The following TP53BP2 variants were observed in gnomAD, a reference collection of about 807,000 sequenced individuals.
TP53BP2 encodes the protein apoptosis-stimulating of p53 protein 2.
In TP53BP2, 62 loss-of-function variants were observed where a neutral mutation model predicts 126.2. The observed-to-expected ratio is 0.49, with a 90% confidence interval of 0.40 to 0.61. The LOEUF (loss-of-function observed/expected upper bound fraction) is 0.61. TP53BP2 is among the 20% of genes least tolerant of loss of function. TP53BP2 has a pLI of 0.00. For missense variants in TP53BP2, 1,215 were observed against 1,402.8 expected (o/e 0.87, Z 2.14); for synonymous variants, 485 against 502.9 (o/e 0.96, Z 0.48).
At chr1:223,808,435 G>T (rs1303130211) in intron 4 of TP53BP2, among the ~76,000 whole-genome samples, 2 of 151,880 alleles carry the variant, frequency 1.3e-5, no homozygotes, top group African/African-American at 4.8e-5. Flanking sequence ...CAGCTACTCG[G>T]GAAGCTGAGG....
intron 16 of TP53BP2, among the ~76,000 whole-genome samples, chr1:223,785,474 A>C (rs542967017): frequency 6.6e-6 from 1 of 152,246 alleles, no homozygotes; most frequent in African/African-American, 2.4e-5. Context: ...CAAAGTTTTT[A>C]AAATGGCCAC....
At chr1:223,845,475 G>A (rs1320687112) in intron 1 of TP53BP2, among the ~76,000 whole-genome samples, 179 bp downstream of exon 1, 1 of 152,182 alleles carries the variant, frequency 6.6e-6, no homozygotes, top group African/African-American at 2.4e-5. Flanking sequence ...TGGGCGCAGA[G>A]CCCAGAGGAT....
intron 1 of TP53BP2, among the ~76,000 whole-genome samples, chr1:223,828,627 T>C (rs897877828): frequency 2.6e-5 from 4 of 152,180 alleles, no homozygotes; most frequent in Admixed American, 2.6e-4. Flanking sequence ...GTCCACTATA[T>C]TAGAATGGAA....
intron 17 of TP53BP2, among the ~76,000 whole-genome samples, chr1:223,782,478 T>A (rs1661806940): frequency 6.6e-6 from 1 of 152,244 alleles, no homozygotes; most frequent in South Asian, 2.1e-4. Context: ...TTTATATTTC[T>A]ACTTTCCTCT....
chr1:223,843,442 T>C (rs1323498806), intron 1 of TP53BP2, among the ~76,000 whole-genome samples: 2 of 152,228 alleles, frequency 1.3e-5, no homozygotes, highest in South Asian at 4.1e-4. Context: ...GTGCTGAGAT[T>C]ACAGGCATGA....
intron 15 of TP53BP2, among the ~76,000 whole-genome samples, chr1:223,791,154 C>T (rs140259383): frequency 8.5e-5 from 13 of 152,158 alleles, no homozygotes; most frequent in South Asian, 6.2e-4. Context: ...GGGCCAAGTA[C>T]GGTGGCTCAT....
intron 1 of TP53BP2, among the ~76,000 whole-genome samples, chr1:223,842,068 T>A (rs1331322941): frequency 6.6e-6 from 1 of 152,066 alleles, no homozygotes; most frequent in East Asian, 1.9e-4. Context: ...GCCTCCTGAG[T>A]AGCTGGGATT....
intron 10 of TP53BP2, 99 bp downstream of exon 10, chr1:223,800,601 A>G: frequency 2.2e-6 from 2 of 892,866 alleles, no homozygotes; most frequent in Admixed American, 3.1e-5. Flanking sequence ...AAACAAAAAA[A>G]GGAAGAAAGA....
In TP53BP2 at chr1:223,792,482, G is replaced by C; in HGVS notation, c.2903C>G (p.Ala968Gly). The C allele has an allele frequency of 6.2e-7, 1 of 1,614,044 alleles. No homozygotes were observed. Among genetic ancestry groups the C allele is most frequent in the Non-Finnish European group, 8.5e-7 (1 of 1,179,952 alleles). ...PSLPNDEGIT[A>G]LHNAVCAGHT... ...GCCTGCACACACAGCATTGTGAAGA[G>C]CCGTGATGCCTTCATCATTGGGGAG... The change falls in exon 15 of 18, where the codon GCT becomes GGT. Residue 968 changes from alanine (A) to glycine (G), a missense_variant. This residue lies in a region of TP53BP2 where 151 missense variants were observed against 231.2 expected (regional missense o/e 0.65). Transcript: ENST00000343537.
intron 1 of TP53BP2, chr1:223,826,172 G>C (rs1663488922): frequency 6.6e-6 from 1 of 152,276 alleles, no homozygotes. Context: ...TTGCACAAGA[G>C]GAAGGTCACT....
Position 223,845,700 on chromosome 1 carries a change from G to A in TP53BP2, c.-20C>T, listed in dbSNP as rs1480783896. ...CCGCATGGAAGCGGGTGGCCAGACTGCGGCCCCGGCCGAGCTGAGGTGCCC... is the reference window on the plus strand; with the variant it reads ...CCGCATGGAAGCGGGTGGCCAGACTACGGCCCCGGCCGAGCTGAGGTGCCC... On this transcript the variant is annotated 5_prime_UTR_variant, in exon 1 of 18. Coordinates refer to ENST00000343537, the MANE Select transcript of TP53BP2 (RefSeq NM_001031685.3). 6.5e-7 allele frequency: 1 copy of A among 1,536,858 alleles called. No homozygotes were observed. The highest frequency in any genetic ancestry group is 1.2e-5 in the South Asian group (1 of 83,664).
rs1558088528 is a variant in TP53BP2 at position 223,789,031 on chromosome 1, G to A, written c.3140C>T (p.Thr1047Ile). The change falls in exon 16 of 18, where the codon ACT becomes ATT. Residue 1047 changes from threonine (T) to isoleucine (I), a missense_variant. Coordinates refer to ENST00000343537, the MANE Select transcript of TP53BP2 (RefSeq NM_001031685.3). ...ACCATAAAGAAATTGGGAGCACTGA[G>A]TGTAGCCTTCCTCCATTTCCTCGCA... Reference protein sequence around the residue: ...DKCEEMEEGYTQCSQFLYGVQ... With the variant: ...DKCEEMEEGYIQCSQFLYGVQ... 4 of 1,614,148 alleles carry A rather than the reference G, an allele frequency of 2.5e-6. No homozygotes were observed. The highest frequency in any genetic ancestry group is 2.2e-5 in the South Asian group (2 of 91,080).
chr1:223,798,212 T>C lies in TP53BP2; in HGVS notation c.1948+3A>G. The stretch of plus-strand genomic sequence containing the variant: ...CGTCACCTATGAACGTTAAGAACCT[T>C]ACCACTTGAAAAGTGTGGCCCTCTG... On this transcript the variant is annotated splice_donor_region_variant and intron_variant, in intron 12 of 17. Coordinates refer to ENST00000343537, the MANE Select transcript of TP53BP2 (RefSeq NM_001031685.3). 1 of 1,610,656 alleles carries C rather than the reference T, an allele frequency of 6.2e-7. No individual in the cohort carries two copies. Among genetic ancestry groups the C allele is most frequent in the Non-Finnish European group, 8.5e-7 (1 of 1,177,952 alleles).
chr1:223,840,361 T>C (rs189637691), intron 1 of TP53BP2, among the ~76,000 whole-genome samples: 159 of 152,374 alleles, frequency 1.0e-3, no homozygotes, highest in African/African-American at 3.6e-3. Flanking sequence ...TTAAACAGAA[T>C]GTTCTGTTCA....
rs780338518 is a variant in TP53BP2, at chr1:223,796,144, G to A, written c.2395C>T (p.His799Tyr). The change falls in exon 13 of 18, where the codon CAT becomes TAT. Residue 799 changes from histidine to tyrosine, a missense_variant. His to Tyr is a moderately conservative substitution (Grantham distance 83, BLOSUM62 2). Transcript: ENST00000343537. The surrounding 1 kb of genome is among the most constrained non-coding windows in gnomAD (Gnocchi z 4.2). ...ACCACCTCCTTTTCGGGCTCCACAT[G>A]TAAATATGGATTCTGGATTTCTACT... ...SPVEIQNPYL[H>Y]VEPEKEVVSL... is the part of the protein sequence containing the mutation. The A allele has an allele frequency of 3.1e-6, 5 of 1,614,204 alleles. No individual in the cohort carries two copies. The highest frequency in any genetic ancestry group is 1.1e-5 in the South Asian group (1 of 91,078).
chr1:223,798,368 T>G lies in TP53BP2; in HGVS notation c.1795A>C (p.Thr599Pro), dbSNP rs773018292. The G allele has an allele frequency of 3.1e-6, 5 of 1,614,102 alleles. No individual in the cohort carries two copies. In the South Asian group the frequency reaches 5.5e-5, roughly 18 times the overall value. Residue 599 changes from threonine (T) to proline (P), a missense_variant, in exon 12 of 18, where the codon ACC (threonine) becomes CCC (proline). Around this residue, in one of 4 missense-constraint regions of TP53BP2, gnomAD observed 814 missense variants for 853.0 expected, o/e 0.95. Coordinates refer to ENST00000343537, the MANE Select transcript of TP53BP2 (RefSeq NM_001031685.3). Reference protein sequence around the residue: ...RPFTPQPSKDTLLPPFRKPQT... With the variant: ...RPFTPQPSKDPLLPPFRKPQT... ...GGTTTTCTGAAGGGTGGAAGTAAGGTGTCTTTGGAAGGCTGGGGAGTAAAG... is the reference window on the plus strand; with the variant it reads ...GGTTTTCTGAAGGGTGGAAGTAAGGGGTCTTTGGAAGGCTGGGGAGTAAAG...
intron 4 of TP53BP2, among the ~76,000 whole-genome samples, chr1:223,808,019 T>TC (rs1355642234): frequency 4.6e-5 from 7 of 152,118 alleles, no homozygotes; most frequent in African/African-American, 1.7e-4. Context: ...CTACCTGACT[T>TC]CAAGACTTAT....
intron 1 of TP53BP2, among the ~76,000 whole-genome samples, chr1:223,838,058 G>A (rs1663981873): frequency 6.6e-6 from 1 of 151,956 alleles, no homozygotes; most frequent in South Asian, 2.1e-4. Context: ...TTGTCATTCA[G>A]GTCTCAGCTG....
At chr1:223,788,081 A>G (rs1662031546) in intron 16 of TP53BP2, among the ~76,000 whole-genome samples, 2 of 151,930 alleles carry the variant, frequency 1.3e-5, no homozygotes, top group South Asian at 4.1e-4. Context: ...AAAAAATAAA[A>G]TAATCACAAA....
Sources: allele counts gnomAD v4.1 joint callset (sites outside exome capture counted in the v4.1 genomes callset), GRCh38; gene constraint gnomAD v4.1.1; regional missense constraint gnomAD v4.1.1; non-coding constraint Gnocchi (gnomAD v3.1); transcripts MANE v1.5; gene names NCBI Gene and HGNC (gene_info 2026-07-23, HGNC 2026-07-21).